The following AOPEP variants were observed in gnomAD, a reference collection of about 807,000 sequenced individuals.
The protein encoded by AOPEP is aminopeptidase O (putative).
A neutral mutation model predicts 98.1 loss-of-function variants in AOPEP; 77 were observed. The observed-to-expected ratio is 0.78, with a 90% CI of 0.65 to 0.95. The LOEUF (loss-of-function observed/expected upper bound fraction) is 0.95, where lower values mean the gene tolerates loss of function less well. AOPEP is among the 40% of genes least tolerant of loss of function. The pLI, the probability that AOPEP is intolerant of heterozygous loss-of-function variation, is 0.00. For synonymous variants in AOPEP, 346 were observed against 365.3 expected, an observed-to-expected ratio of 0.95 and a Z score of 0.60; for missense variants, 1,024 against 1,024.7, an observed-to-expected ratio of 1.00 and a Z score of 0.01.
At chr9:94,819,667 C>T (rs1422663324) in intron 5 of AOPEP, among the ~76,000 whole-genome samples, 1 of 152,064 alleles carries the variant, frequency 6.6e-6, no homozygotes, top group African/African-American at 2.4e-5. Flanking sequence ...TTTCACCTCC[C>T]AGGCTCAATC....
chr9:94,924,071 G>A lies in AOPEP; in HGVS notation c.1450G>A (p.Ala484Thr), dbSNP rs1323353391. ...CCGCCTCTGCCATGAAATTGCCCAT[G>A]CCTGGTTTGGCCTAGCCATCGGGGC... ...GTRLCHEIAHAWFGLAIGARD... is the reference protein window; with the variant it reads ...GTRLCHEIAHTWFGLAIGARD... The change falls in exon 6 of 17, where the codon GCC becomes ACC. Residue 484 changes from alanine to threonine, a missense_variant. By Grantham distance (58) the Ala-to-Thr change is moderately conservative. Coordinates refer to ENST00000375315, the MANE Select transcript of AOPEP (RefSeq NM_001193329.3). 6.5e-7 allele frequency: 1 copy of A among 1,526,912 alleles called. No individual in the cohort carries two copies. 94.6% of individuals were successfully genotyped at this position (1,526,912 alleles called of 1,614,324 possible).
intron 13 of AOPEP, among the ~76,000 whole-genome samples, chr9:95,060,021 A>G (rs2067190581): frequency 1.3e-5 from 2 of 152,194 alleles, no homozygotes; most frequent in African/African-American, 2.4e-5. Context: ...TGTTAAGACT[A>G]TCTCCTGTCT....
intron 13 of AOPEP, among the ~76,000 whole-genome samples, chr9:95,007,304 C>T (rs1051780507): frequency 1.3e-5 from 2 of 151,844 alleles, no homozygotes; most frequent in Admixed American, 1.3e-4. Context: ...GTTGTCACTA[C>T]CAAAATCTAA....
intron 5 of AOPEP, among the ~76,000 whole-genome samples, chr9:94,840,191 G>T (rs1243967265): frequency 6.6e-6 from 1 of 152,124 alleles, no homozygotes; most frequent in Non-Finnish European, 1.5e-5. Context: ...AATTCACTGA[G>T]AAATTTTATC....
chr9:95,041,037 G>A (rs1248036019), intron 13 of AOPEP, among the ~76,000 whole-genome samples: 1 of 121,488 alleles, frequency 8.2e-6, no homozygotes, highest in African/African-American at 2.9e-5. Flanking sequence ...ACAGAGTTAA[G>A]TCTCCACACT....
At chr9:95,148,574 A>G in the AOPEP span, among the ~76,000 whole-genome samples, 7 of 152,332 alleles carry the variant, frequency 4.6e-5, no homozygotes, top group East Asian at 1.3e-3. Flanking sequence ...CCCAATACTT[A>G]AAGTCATTTC....
the AOPEP span, chr9:95,135,276 T>A: frequency 6.8e-7 from 1 of 1,466,082 alleles, no homozygotes; most frequent in Non-Finnish European, 9.5e-7. Context: ...CCTTTCATTC[T>A]CTGACTAAAA....
chr9:94,840,191 G>A (rs1243967265), intron 5 of AOPEP, among the ~76,000 whole-genome samples: 1 of 152,124 alleles, frequency 6.6e-6, no homozygotes, highest in African/African-American at 2.4e-5. Context: ...AATTCACTGA[G>A]AAATTTTATC....
chr9:94,875,357 A>AAAAAAAAAAAAAAAAAAAAAAAAAAAAG (rs2046822573), intron 5 of AOPEP, among the ~76,000 whole-genome samples: 1 of 147,450 alleles, frequency 6.8e-6, no homozygotes, highest in African/African-American at 2.6e-5. Context: ...GAAAAAAAAA[A>AAAAAAAAAAAAAAAAAAAAAAAAAAAAG]AAAAAAAAAA....
intron 4 of AOPEP, among the ~76,000 whole-genome samples, chr9:94,800,360 G>A (rs1039054750): frequency 3.9e-5 from 6 of 152,086 alleles, no homozygotes; most frequent in African/African-American, 1.4e-4. Context: ...TCCTTTCTGA[G>A]TTATGAATTG....
chr9:94,951,234 A>C (rs2058079744), intron 7 of AOPEP, among the ~76,000 whole-genome samples: 1 of 152,226 alleles, frequency 6.6e-6, no homozygotes, highest in South Asian at 2.1e-4. Context: ...GAATGCTTCC[A>C]CATGACCTGA....
intron 5 of AOPEP, among the ~76,000 whole-genome samples, chr9:94,917,265 G>C (rs903235014): frequency 5.3e-5 from 8 of 152,332 alleles, no homozygotes; most frequent in African/African-American, 1.9e-4. Context: ...CTGCAGAGCT[G>C]CCACTGAGCC....
chr9:95,108,790 T>C, the AOPEP span, among the ~76,000 whole-genome samples: 8 of 152,248 alleles, frequency 5.3e-5, no homozygotes, highest in African/African-American at 1.9e-4. Flanking sequence ...TTGTCTTTTT[T>C]CTACGCACTG....
intron 5 of AOPEP, among the ~76,000 whole-genome samples, chr9:94,805,577 A>T (rs1428614553): frequency 1.3e-5 from 2 of 152,172 alleles, no homozygotes; most frequent in Admixed American, 1.3e-4. Flanking sequence ...AATTATTAAA[A>T]TCTTCACAAC....
At chr9:95,005,069 C>A in intron 11 of AOPEP, 89 bp from the exon 12 acceptor site, 9 of 574,870 alleles carry the variant, frequency 1.6e-5, no homozygotes, top group Non-Finnish European at 2.0e-5. Flanking sequence ...GGGCGAGGTA[C>A]GGGGCGGGCA....
chr9:95,092,247 C>T, the AOPEP span, among the ~76,000 whole-genome samples: 2 of 152,202 alleles, frequency 1.3e-5, no homozygotes, highest in Non-Finnish European at 1.5e-5. Context: ...TTTGGCTTCT[C>T]AGCCCCAGGA....
intron 4 of AOPEP, among the ~76,000 whole-genome samples, chr9:94,796,779 A>G (rs1273857744): frequency 6.6e-6 from 1 of 152,236 alleles, no homozygotes; most frequent in Non-Finnish European, 1.5e-5. Flanking sequence ...CATTGATTAT[A>G]AGGCTCTCAG....
chr9:95,132,775 C>T, the AOPEP span, among the ~76,000 whole-genome samples: 1 of 152,190 alleles, frequency 6.6e-6, no homozygotes, highest in Non-Finnish European at 1.5e-5. Context: ...ATCAGACCTG[C>T]GAGTCCAAGA....
intron 14 of AOPEP, among the ~76,000 whole-genome samples, chr9:95,065,728 A>G (rs527393580): frequency 6.6e-6 from 1 of 152,356 alleles, no homozygotes; most frequent in South Asian, 2.1e-4. Flanking sequence ...CGGGATCCCA[A>G]AAGGGCAAGT....
Sources: allele counts gnomAD v4.1 joint callset (sites outside exome capture counted in the v4.1 genomes callset), GRCh38; gene constraint gnomAD v4.1.1; transcripts MANE v1.5; gene names NCBI Gene and HGNC (gene_info 2026-07-23, HGNC 2026-07-21).